The following PSD2 variants were observed in gnomAD, a reference collection of about 807,000 sequenced individuals.
PSD2 encodes the protein PH and SEC7 domain-containing protein 2.
Under a neutral mutation model 69.8 loss-of-function variants are expected in PSD2, and 38 were observed. The observed-to-expected ratio is 0.54, with a 90% CI of 0.42 to 0.71. The LOEUF (loss-of-function observed/expected upper bound fraction) is 0.71. Ranked by LOEUF, PSD2 falls within the 30% of genes least tolerant of loss-of-function variation. The pLI is 0.00. For missense variants in PSD2, 943 were observed against 1,014.5 expected (o/e 0.93, Z 0.96); for synonymous variants, 412 against 423.0 (o/e 0.97, Z 0.32).
chr5:139,785,808 G>T, the PSD2 span, among the ~76,000 whole-genome samples: 245 of 152,356 alleles, frequency 1.6e-3, 1 homozygote, highest in Non-Finnish European at 2.5e-3. Context: ...TGGGTTAGAT[G>T]CTGGGTGCAG....
At chr5:139,753,996 C>G in the PSD2 span, among the ~76,000 whole-genome samples, 1 of 152,150 alleles carries the variant, frequency 6.6e-6, no homozygotes, top group Non-Finnish European at 1.5e-5. Flanking sequence ...GCCACCACAC[C>G]GTGCTAATTT....
rs993614777 is a variant in PSD2 at position 139,795,832 on chromosome 5, T to G, written c.-194T>G. The G allele has an allele frequency of 6.6e-6, 1 of 151,228 alleles. No homozygotes were observed. The highest frequency in any genetic ancestry group is 2.4e-5 in the African/African-American group (1 of 41,188). The allele number at this position is 151,228 out of a possible 1,614,324, so 9.4% of individuals were successfully genotyped here. On this transcript the variant is annotated 5_prime_UTR_variant, in exon 1 of 15. Transcript: ENST00000274710. The surrounding 1 kb of genome is among the most constrained non-coding windows in gnomAD (Gnocchi z 4.5). ...TGCCGTCCGTCCCCCTCGCTCAGCC[T>G]CTCCACATCGCGGCTCCGGCACCTG...
chr5:139,821,954 C>T lies in PSD2; in HGVS notation c.1159C>T (p.His387Tyr). 6.2e-7 allele frequency: 1 copy of T among 1,610,606 alleles called. No individual in the cohort carries two copies. The change falls in exon 6 of 15, where the codon CAC (histidine) becomes TAC (tyrosine). Residue 387 changes from histidine (H) to tyrosine (Y), a missense_variant. Physicochemically the swap from His to Tyr is moderately conservative, Grantham distance 83. Coordinates refer to ENST00000274710, the MANE Select transcript of PSD2 (RefSeq NM_032289.4). Reference sequence around the variant, plus strand: ...ACAAGAGCGTGAGCGGGTCCTCACACACTTCTCCCGCCGGTACTGCCAGTG... The same window carrying T: ...ACAAGAGCGTGAGCGGGTCCTCACATACTTCTCCCGCCGGTACTGCCAGTG... ...ETQERERVLT[H>Y]FSRRYCQCNP... is the part of the protein sequence containing the mutation.
At chr5:139,778,946 A>C in the PSD2 span, among the ~76,000 whole-genome samples, 1 of 98,370 alleles carries the variant, frequency 1.0e-5, no homozygotes, top group Admixed American at 9.8e-5. Context: ...GAAAAAAAAC[A>C]AAAAAAAAAA....
At position 139,814,262 on chromosome 5, in the gene PSD2, A is replaced by G. The variant is rs886330217; in HGVS notation, c.914A>G (p.Asn305Ser). 1.2e-6 allele frequency: 2 copies of G among 1,613,778 alleles called. No individual in the cohort carries two copies. The highest frequency in any genetic ancestry group is 1.7e-6 in the Non-Finnish European group (2 of 1,179,840). ...CCTGGTAGTGCAGACCCTCTGGCCA[A>G]CGGGTGCCAGGGGGTCAGTGAAGCT... is the stretch of plus-strand genomic sequence containing the variant. ...LEPGSADPLANGCQGVSEAAH... is the reference protein window; with the variant it reads ...LEPGSADPLASGCQGVSEAAH... The change falls in exon 4 of 15, where the codon AAC becomes AGC. Residue 305 changes from asparagine to serine, a missense_variant. Physicochemically the swap from Asn to Ser is conservative, Grantham distance 46. Transcript: ENST00000274710. The surrounding 1 kb of genome is among the most constrained non-coding windows in gnomAD (Gnocchi z 4.4).
the PSD2 span, among the ~76,000 whole-genome samples, chr5:139,743,548 G>A: frequency 2.6e-5 from 4 of 152,210 alleles, no homozygotes; most frequent in African/African-American, 7.2e-5. Flanking sequence ...AGGTGTGACT[G>A]TTTATGTCTT....
the PSD2 span, among the ~76,000 whole-genome samples, chr5:139,778,759 C>CAA: frequency 2.1e-5 from 3 of 144,790 alleles, no homozygotes; most frequent in Non-Finnish European, 4.6e-5. Context: ...CCCATCTCTC[C>CAA]AAAAAAAAAA....
the PSD2 span, chr5:139,743,772 A>G: frequency 1.3e-5 from 2 of 152,350 alleles, no homozygotes; most frequent in Non-Finnish European, 1.5e-5. Context: ...CATTGGGACC[A>G]TACTGCTGAG....
chr5:139,838,267 G>A (rs1760786113), intron 12 of PSD2, among the ~76,000 whole-genome samples: 1 of 152,194 alleles, frequency 6.6e-6, no homozygotes. Flanking sequence ...CCAGTGCTGG[G>A]CAGGCAGCGG....
chr5:139,773,922 T>C, the PSD2 span, among the ~76,000 whole-genome samples: 1 of 152,030 alleles, frequency 6.6e-6, no homozygotes, highest in African/African-American at 2.4e-5. Context: ...AACCCTTTTA[T>C]ATTCCTACCA....
the PSD2 span, chr5:139,772,586 A>C: frequency 6.6e-6 from 1 of 152,166 alleles, no homozygotes; most frequent in Non-Finnish European, 1.5e-5. Flanking sequence ...TGCCACACTC[A>C]TGCCCAGCAC....
intron 5 of PSD2, among the ~76,000 whole-genome samples, chr5:139,818,640 TTTCAC>T (rs1355438902): frequency 6.6e-6 from 1 of 152,222 alleles, no homozygotes; most frequent in East Asian, 1.9e-4. Context: ...GTTGACCTGT[TTTCAC>T]TTCACTTCAC....
chr5:139,812,728 A>G (rs1381781519), intron 2 of PSD2, among the ~76,000 whole-genome samples: 1 of 152,218 alleles, frequency 6.6e-6, no homozygotes, highest in Non-Finnish European at 1.5e-5. Flanking sequence ...GGCCGAGCTA[A>G]GAACCTCCCA....
At chr5:139,788,109 C>G in the PSD2 span, among the ~76,000 whole-genome samples, 1 of 152,254 alleles carries the variant, frequency 6.6e-6, no homozygotes. Context: ...GTGCTGGGCA[C>G]TGGGACGCGG....
chr5:139,748,873 C>G, the PSD2 span, among the ~76,000 whole-genome samples: 1 of 150,060 alleles, frequency 6.7e-6, no homozygotes, highest in Non-Finnish European at 1.5e-5. Flanking sequence ...GAGAAGGGAG[C>G]AGTCACCTGA....
the PSD2 span, among the ~76,000 whole-genome samples, chr5:139,748,998 C>T: frequency 1.3e-5 from 2 of 152,120 alleles, no homozygotes; most frequent in Non-Finnish European, 2.9e-5. Context: ...GGATGGGCCT[C>T]AGGGCAGACA....
chr5:139,766,529 C>T, the PSD2 span, among the ~76,000 whole-genome samples: 5 of 152,180 alleles, frequency 3.3e-5, no homozygotes, highest in Admixed American at 2.0e-4. Context: ...AGAAGGGACC[C>T]AGGTTAGACT....
chr5:139,784,804 G>A, the PSD2 span, among the ~76,000 whole-genome samples: 3 of 151,938 alleles, frequency 2.0e-5, no homozygotes, highest in Non-Finnish European at 4.4e-5. Context: ...TGCCCAGGCT[G>A]CAGTGCAATG....
In PSD2 at chr5:139,813,320, C is replaced by T. The variant is rs376986123; in HGVS notation, c.383C>T (p.Pro128Leu). 4 of 1,551,426 alleles carry T rather than the reference C, an allele frequency of 2.6e-6. No individual in the cohort carries two copies. The highest frequency in any genetic ancestry group is 2.7e-5 in the African/African-American group (2 of 73,688). The change falls in exon 3 of 15, where the codon CCC becomes CTC. Residue 128 changes from proline (P) to leucine (L), a missense_variant. Pro to Leu is a moderately conservative substitution (Grantham distance 98). Transcript: ENST00000274710. Reference sequence around the variant, plus strand: ...CTTGCATCCCACAGGTTGGATGGTCCCGGGGAGCCAGATGTGCGGGATGGC... The same window carrying T: ...CTTGCATCCCACAGGTTGGATGGTCTCGGGGAGCCAGATGTGCGGGATGGC... ...AEDPQLGLDG[P>L]GEPDVRDGFS...
Sources: gnomAD v4.1 joint callset for allele counts (sites outside exome capture counted in the v4.1 genomes callset) on GRCh38, gnomAD v4.1.1 for gene constraint, Gnocchi (gnomAD v3.1) non-coding constraint, MANE v1.5 for transcripts, NCBI Gene and HGNC (gene_info 2026-07-23, HGNC 2026-07-21) for gene names.